DNAH5: variants seen among roughly 807,000 people sequenced by gnomAD.
The protein encoded by DNAH5 is dynein axonemal heavy chain 5.
In DNAH5, 372 loss-of-function variants were observed where a neutral mutation model predicts 518.2. That is an observed-to-expected ratio of 0.72 (90% CI 0.66 to 0.78). The LOEUF (loss-of-function observed/expected upper bound fraction) is 0.78. Ranked by LOEUF, DNAH5 falls within the 30% of genes least tolerant of loss-of-function variation. The pLI is 0.00. For missense variants in DNAH5, 5,523 were observed against 5,687.0 expected (o/e 0.97, Z 0.93); for synonymous variants, 2,039 against 2,025.9 (o/e 1.01, Z -0.17).
intron 17 of DNAH5, among the ~76,000 whole-genome samples, chr5:13,890,700 C>G (rs550721033): frequency 6.6e-6 from 1 of 152,284 alleles, no homozygotes; most frequent in South Asian, 2.1e-4. Context: ...TAGCTCTATC[C>G]TTCATTAAAA....
intron 1 of DNAH5, among the ~76,000 whole-genome samples, chr5:13,934,243 C>A (rs1312178711): frequency 6.6e-6 from 1 of 152,174 alleles, no homozygotes; most frequent in Non-Finnish European, 1.5e-5. Context: ...CTGACCCCAG[C>A]ACCAACTTTC....
intron 1 of DNAH5, among the ~76,000 whole-genome samples, chr5:13,957,367 A>C (rs972453633): frequency 6.6e-6 from 1 of 152,218 alleles, no homozygotes; most frequent in Admixed American, 6.5e-5. Context: ...GTTATCAATT[A>C]TTTACACTTA....
chr5:13,861,181 T>C (rs374715830), intron 29 of DNAH5, among the ~76,000 whole-genome samples: 2 of 152,216 alleles, frequency 1.3e-5, no homozygotes, highest in East Asian at 1.9e-4. Flanking sequence ...TTAATTTACA[T>C]GAGTGTCTTT....
intron 8 of DNAH5, 42 bp downstream of exon 8, chr5:13,917,101 A>C (rs762897476): frequency 1.4e-6 from 2 of 1,447,504 alleles, no homozygotes; most frequent in African/African-American, 2.8e-5. Context: ...TAGTGCAAAA[A>C]GGGTTATCTA....
At position 13,871,747 on chromosome 5, in the gene DNAH5, C is replaced by T; in HGVS notation, c.3415G>A (p.Asp1139Asn). Reference protein sequence around the residue: ...STKKEVITSMDCFKRYNHIWQ... With the variant: ...STKKEVITSMNCFKRYNHIWQ... The stretch of plus-strand genomic sequence containing the variant: ...ATGTGATTGTAGCGTTTGAAGCAAT[C>T]CATGGATGTAATAACTTCCTGAATG... Residue 1139 changes from aspartate to asparagine, a missense_variant, in exon 23 of 79, where the codon GAT (aspartate) becomes AAT (asparagine). Around this residue, in one of 3 missense-constraint regions of DNAH5, gnomAD observed 5,121 missense variants for 5,223.3 expected, o/e 0.98. Coordinates refer to ENST00000265104, the MANE Select transcript of DNAH5 (RefSeq NM_001369.3). 1.9e-6 allele frequency: 3 copies of T among 1,613,542 alleles called. No homozygotes were observed. The highest frequency in any genetic ancestry group is 2.5e-6 in the Non-Finnish European group (3 of 1,179,692).
At chr5:13,946,134 C>T (rs1351586558), upstream of DNAH5, among the ~76,000 whole-genome samples, 1 of 152,194 alleles carries the variant, frequency 6.6e-6, no homozygotes, top group Admixed American at 6.5e-5. Flanking sequence ...CAATTCATTA[C>T]ATCGCCGATT....
chr5:13,862,751 T>C lies in DNAH5; in HGVS notation c.4597-4A>G, dbSNP rs1303145836. 1.9e-6 allele frequency: 3 copies of C among 1,610,008 alleles called. No individual in the cohort carries two copies. Among genetic ancestry groups the C allele is most frequent in the East Asian group, 2.2e-5 (1 of 44,776 alleles). ...TCACCGCACTGATACAGATGTCCTA[T>C]CAAAATGGCAAGCTCTCATGTTATT... is the stretch of plus-strand genomic sequence containing the variant. On this transcript the variant is annotated splice_polypyrimidine_tract_variant and splice_region_variant and intron_variant, in intron 28 of 78. Coordinates refer to ENST00000265104, the MANE Select transcript of DNAH5 (RefSeq NM_001369.3).
intron 76 of DNAH5, among the ~76,000 whole-genome samples, chr5:13,703,376 C>T (rs1409230153): frequency 7.1e-6 from 1 of 141,380 alleles, no homozygotes; most frequent in African/African-American, 2.6e-5. Context: ...GAAACTGAGG[C>T]ACAACAAGGC....
intron 1 of DNAH5, among the ~76,000 whole-genome samples, chr5:13,994,150 A>T (rs1477151979): frequency 6.6e-6 from 1 of 151,884 alleles, no homozygotes; most frequent in East Asian, 1.9e-4. Flanking sequence ...GCACGCCTCC[A>T]CCTCTCTGCC....
upstream of DNAH5, among the ~76,000 whole-genome samples, chr5:13,949,212 A>G (rs1306225805): frequency 1.3e-5 from 2 of 152,224 alleles, no homozygotes; most frequent in Non-Finnish European, 2.9e-5. Context: ...TAAAGCTCTA[A>G]TTCTTTACTT....
intron 47 of DNAH5, among the ~76,000 whole-genome samples, chr5:13,803,879 C>T (rs955430814): frequency 1.3e-5 from 2 of 152,158 alleles, no homozygotes; most frequent in Non-Finnish European, 2.9e-5. Context: ...GTCCAAAAAA[C>T]ACTGTGGAAT....
At chr5:13,793,484 C>A in intron 49 of DNAH5, 31 bp downstream of exon 49, 1 of 1,583,338 alleles carries the variant, frequency 6.3e-7, no homozygotes, top group South Asian at 1.1e-5. Flanking sequence ...TTCTTCCTCA[C>A]CCTCCCACCC....
chr5:13,775,138 T>G (rs1489675548), intron 55 of DNAH5, among the ~76,000 whole-genome samples: 1 of 151,456 alleles, frequency 6.6e-6, no homozygotes, highest in African/African-American at 2.4e-5. Flanking sequence ...TTTTTGTTTT[T>G]TTTTTTTTTC....
intron 15 of DNAH5, chr5:13,899,883 G>A (rs36080918): frequency 0.25 from 78,251 of 309,344 alleles, 10,710 homozygotes; most frequent in East Asian, 0.45. Context: ...GATACCCCTC[G>A]TCCCTCTTAA....
At chr5:13,962,042 A>G (rs1459069661) in intron 1 of DNAH5, among the ~76,000 whole-genome samples, 2 of 152,186 alleles carry the variant, frequency 1.3e-5, no homozygotes, top group East Asian at 3.8e-4. Flanking sequence ...ATATACCAAA[A>G]AACTGTACAT....
chr5:13,911,015 C>T (rs1775919679), intron 12 of DNAH5, among the ~76,000 whole-genome samples: 1 of 152,214 alleles, frequency 6.6e-6, no homozygotes, highest in Admixed American at 6.5e-5. Flanking sequence ...CCAGACATTG[C>T]TGACCATTTG....
At chr5:13,930,173 C>T (rs890218244) in intron 2 of DNAH5, among the ~76,000 whole-genome samples, 1 of 152,146 alleles carries the variant, frequency 6.6e-6, no homozygotes, top group Non-Finnish European at 1.5e-5. Flanking sequence ...CTAACCCCAC[C>T]AGAGTAGCCC....
At chr5:13,790,644 G>C (rs191838293) in intron 50 of DNAH5, among the ~76,000 whole-genome samples, 13 of 152,232 alleles carry the variant, frequency 8.5e-5, no homozygotes, top group Non-Finnish European at 1.3e-4. Flanking sequence ...TTCCCCTTTT[G>C]CTCCACACTT....
intron 1 of DNAH5, among the ~76,000 whole-genome samples, chr5:13,969,087 T>C (rs1781713870): frequency 1.3e-5 from 2 of 152,190 alleles, no homozygotes; most frequent in East Asian, 3.8e-4. Context: ...TCCTCTAGGT[T>C]TTCTAGTTTG....
Sources: allele counts gnomAD v4.1 joint callset (sites outside exome capture counted in the v4.1 genomes callset), GRCh38; gene constraint gnomAD v4.1.1; regional missense constraint gnomAD v4.1.1; transcripts MANE v1.5; gene names NCBI Gene and HGNC (gene_info 2026-07-23, HGNC 2026-07-21).